The following NSMCE2 variants were observed in gnomAD, a reference collection of about 807,000 sequenced individuals.
NSMCE2 encodes NSE2 SUMO ligase component of SMC5/6 complex.
NSMCE2 carries 24 observed loss-of-function variants against 23.8 expected under a neutral mutation model. That is an observed-to-expected ratio of 1.01 (90% CI 0.73 to 1.42). The LOEUF (loss-of-function observed/expected upper bound fraction) is 1.42. Ranked by LOEUF, NSMCE2 falls within the 40% of genes most tolerant of loss-of-function variation. NSMCE2 has a pLI of 0.00. For missense variants in NSMCE2, 284 were observed against 296.5 expected, an observed-to-expected ratio of 0.96 and a Z score of 0.31; for synonymous variants, 92 against 94.1, an observed-to-expected ratio of 0.98 and a Z score of 0.13.
chr8:125,169,632 G>A (rs1038992591), intron 4 of NSMCE2, among the ~76,000 whole-genome samples: 4 of 151,834 alleles, frequency 2.6e-5, no homozygotes, highest in Admixed American at 1.3e-4. Flanking sequence ...CATGTTCACA[G>A]TCTTCAGTCC....
chr8:125,256,019 C>T (rs1476625445), intron 5 of NSMCE2, among the ~76,000 whole-genome samples: 1 of 152,180 alleles, frequency 6.6e-6, no homozygotes, highest in Non-Finnish European at 1.5e-5. Flanking sequence ...TGTGGTGGCT[C>T]ACGCCTGTAA....
chr8:125,356,655 T>C (rs1263104330), intron 5 of NSMCE2, among the ~76,000 whole-genome samples: 2 of 152,208 alleles, frequency 1.3e-5, no homozygotes, highest in East Asian at 1.9e-4. Flanking sequence ...GAATTTTAAA[T>C]TCCTTAATCT....
At chr8:125,316,605 TTTCC>T (rs1458401517) in intron 5 of NSMCE2, among the ~76,000 whole-genome samples, 5 of 146,342 alleles carry the variant, frequency 3.4e-5, no homozygotes, top group East Asian at 2.1e-4. Flanking sequence ...TCTTTCCTTC[TTTCC>T]TTTCTTTATT....
rs1240569434 is a variant in NSMCE2 at position 125,279,766 on chromosome 8, C to T, written c.419-77453C>T. ...ATGTTGACTGTTCATACTTGCCTAT[C>T]TCCTTAGTGGATGGATTGCTTGTTA... On this transcript the variant is annotated intron_variant, in intron 5 of 7. Transcript: ENST00000287437. 3.3e-5 allele frequency among the ~76,000 whole-genome samples: 5 copies of T among 152,318 alleles called. No individual in the cohort carries two copies. In the East Asian group the frequency reaches 7.7e-4, roughly 24 times the overall value.
intron 5 of NSMCE2, among the ~76,000 whole-genome samples, chr8:125,208,595 T>C (rs751937186): frequency 6.6e-6 from 1 of 152,202 alleles, no homozygotes; most frequent in Non-Finnish European, 1.5e-5. Context: ...AAATATAAAC[T>C]GAGTGCTGTT....
chr8:125,182,400 A>G (rs756857551), intron 5 of NSMCE2, 144 bp downstream of exon 5: 6 of 723,428 alleles, frequency 8.3e-6, no homozygotes, highest in Admixed American at 2.6e-5. Flanking sequence ...TGTTGTTGCA[A>G]TTCTGTATTT....
chr8:125,206,131 A>G (rs10097806), intron 5 of NSMCE2, among the ~76,000 whole-genome samples: 4,147 of 152,332 alleles, frequency 0.027, 173 homozygotes, highest in African/African-American at 0.094. Flanking sequence ...ATAAATATTT[A>G]TATGTATTCT....
At chr8:125,324,414 C>T (rs1004635631) in intron 5 of NSMCE2, among the ~76,000 whole-genome samples, 2 of 148,162 alleles carry the variant, frequency 1.3e-5, no homozygotes, top group African/African-American at 5.0e-5. Flanking sequence ...CCCAATATCC[C>T]GTAACTGATA....
intron 3 of NSMCE2, among the ~76,000 whole-genome samples, chr8:125,107,716 C>A (rs1462492394): frequency 6.6e-6 from 1 of 152,006 alleles, no homozygotes; most frequent in South Asian, 2.1e-4. Flanking sequence ...ACAAACAAAC[C>A]CAGACAAATA....
At chr8:125,357,866 C>G (rs769778030) in intron 7 of NSMCE2, 48 bp downstream of exon 7, 1 of 1,333,156 alleles carries the variant, frequency 7.5e-7, no homozygotes, top group South Asian at 1.2e-5. Context: ...GTGGTAGTTA[C>G]TCAGAGGTGG....
chr8:125,192,899 A>G (rs901735770), intron 5 of NSMCE2, among the ~76,000 whole-genome samples: 5 of 152,228 alleles, frequency 3.3e-5, no homozygotes, highest in African/African-American at 9.7e-5. Context: ...TCTTTTCAGT[A>G]TCATTCTAAT....
intron 5 of NSMCE2, among the ~76,000 whole-genome samples, chr8:125,215,365 A>G (rs2130899408): frequency 6.6e-6 from 1 of 151,482 alleles, no homozygotes; most frequent in East Asian, 1.9e-4. Flanking sequence ...TACAAAGGAC[A>G]TGAACTCATC....
At chr8:125,249,652 C>T (rs1186338266) in intron 5 of NSMCE2, among the ~76,000 whole-genome samples, 1 of 152,120 alleles carries the variant, frequency 6.6e-6, no homozygotes, top group Non-Finnish European at 1.5e-5. Flanking sequence ...ATCAGCCTGG[C>T]CCACTTTGAG....
intron 5 of NSMCE2, among the ~76,000 whole-genome samples, chr8:125,299,369 G>T (rs906924993): frequency 1.3e-5 from 2 of 152,170 alleles, no homozygotes; most frequent in Non-Finnish European, 2.9e-5. Context: ...AAAAGAGGCT[G>T]GGGAGGCCTC....
At chr8:125,315,111 C>A (rs74632517) in intron 5 of NSMCE2, among the ~76,000 whole-genome samples, 5 of 150,806 alleles carry the variant, frequency 3.3e-5, no homozygotes, top group Non-Finnish European at 5.9e-5. Context: ...TGACTAGAAT[C>A]TTTTTTTTTT....
chr8:125,142,567 A>G (rs1820432459), intron 3 of NSMCE2, among the ~76,000 whole-genome samples: 1 of 151,402 alleles, frequency 6.6e-6, no homozygotes. Context: ...GACACTCTTC[A>G]CTATGATTTC....
intron 4 of NSMCE2, among the ~76,000 whole-genome samples, chr8:125,165,894 TATTA>T (rs1315513771): frequency 6.6e-6 from 1 of 152,154 alleles, no homozygotes; most frequent in Non-Finnish European, 1.5e-5. Context: ...CAGGGAGCCA[TATTA>T]ATTATAGAGA....
intron 3 of NSMCE2, among the ~76,000 whole-genome samples, chr8:125,146,907 C>CA (rs1007353394): frequency 2.4e-4 from 36 of 150,234 alleles, no homozygotes; most frequent in African/African-American, 5.9e-4. Flanking sequence ...AAAAACAAAA[C>CA]AAAAAAAAAC....
At chr8:125,314,612 C>A (rs556558154) in intron 5 of NSMCE2, among the ~76,000 whole-genome samples, 1 of 152,288 alleles carries the variant, frequency 6.6e-6, no homozygotes, top group African/African-American at 2.4e-5. Context: ...TTTAGACACT[C>A]GATCACTCCC....
Sources: gnomAD v4.1 joint callset for allele counts (sites outside exome capture counted in the v4.1 genomes callset) on GRCh38, gnomAD v4.1.1 for gene constraint, MANE v1.5 for transcripts, NCBI Gene and HGNC (gene_info 2026-07-23, HGNC 2026-07-21) for gene names.